The following RYR3 variants were observed in gnomAD, a reference collection of about 807,000 sequenced individuals.
RYR3 encodes brain ryanodine receptor-calcium release channel.
In RYR3, 207 loss-of-function variants were observed where a neutral mutation model predicts 584.3. The observed-to-expected ratio is 0.35, with a 90% CI of 0.32 to 0.40. The LOEUF (loss-of-function observed/expected upper bound fraction) is 0.40. RYR3 is among the 10% of genes least tolerant of loss of function. The pLI, the probability that RYR3 is intolerant of heterozygous loss-of-function variation, is 1.00. For missense variants in RYR3, 5,616 were observed against 6,089.2 expected, an observed-to-expected ratio of 0.92 and a Z score of 2.59; for synonymous variants, 2,416 against 2,248.5, an observed-to-expected ratio of 1.07 and a Z score of -2.11.
chr15:33,840,945 G>A, intron 90 of RYR3, 62 bp downstream of exon 90: 3 of 1,490,694 alleles, frequency 2.0e-6, no homozygotes, highest in Non-Finnish European at 2.8e-6. Flanking sequence ...AGGCCAGGCA[G>A]AGTGGCTCGC....
chr15:33,683,581 G>A (rs563976572), intron 38 of RYR3, among the ~76,000 whole-genome samples: 1 of 152,304 alleles, frequency 6.6e-6, no homozygotes, highest in South Asian at 2.1e-4. Flanking sequence ...CAGAAGACGG[G>A]TGATTTCTGC....
intron 1 of RYR3, among the ~76,000 whole-genome samples, chr15:33,361,958 G>T (rs1168072156): frequency 3.3e-5 from 5 of 152,136 alleles, no homozygotes; most frequent in African/African-American, 7.2e-5. Context: ...AGTGAGCAAG[G>T]TTCAGTGGGA....
chr15:33,374,360 GTGTA>G (rs1354225643), intron 1 of RYR3, among the ~76,000 whole-genome samples: 27 of 122,152 alleles, frequency 2.2e-4, no homozygotes, highest in Non-Finnish European at 3.2e-4. Context: ...TCCTGTACGA[GTGTA>G]TGTGTGTGTG....
rs989657968 is a variant in RYR3 at position 33,438,027 on chromosome 15, G to A, written c.52-35392G>A. ...ATGATAAATTGTATATATTTATTGTGTATTATTGTATTTCTCTCTCTCCTC... is the reference window on the plus strand; with the variant it reads ...ATGATAAATTGTATATATTTATTGTATATTATTGTATTTCTCTCTCTCCTC... On this transcript the variant is annotated intron_variant, in intron 1 of 103. Transcript: ENST00000634891. Among the ~76,000 whole-genome samples, 4 of 152,212 alleles carry A rather than the reference G, an allele frequency of 2.6e-5. No individual in the cohort carries two copies. The East Asian group carries it at 5.8e-4, about 22-fold the overall frequency.
Position 33,547,623 on chromosome 15 carries a change from A to G in RYR3, c.741-507A>G, listed in dbSNP as rs117170005. Among the ~76,000 whole-genome samples the G allele has an allele frequency of 7.7e-3, 1,167 of 152,346 alleles. 9 individuals carry two copies. Among genetic ancestry groups the G allele is most frequent in the Middle Eastern group, 0.014 (4 of 294 alleles). On this transcript the variant is annotated intron_variant, in intron 8 of 103. Coordinates refer to ENST00000634891, the MANE Select transcript of RYR3 (RefSeq NM_001036.6). Reference sequence around the variant, plus strand: ...ACGGGAAAGGAAGCAACAGTACAGTAATAAAATCATGAACAGTGTAACAAC... The same window carrying G: ...ACGGGAAAGGAAGCAACAGTACAGTGATAAAATCATGAACAGTGTAACAAC...
intron 81 of RYR3, among the ~76,000 whole-genome samples, chr15:33,823,846 T>A (rs1483855000): frequency 6.6e-6 from 1 of 152,216 alleles, no homozygotes; most frequent in Non-Finnish European, 1.5e-5. Flanking sequence ...ATTACCTAGT[T>A]CATTTGCCTC....
chr15:33,462,301 G>A (rs2048102176), intron 1 of RYR3, among the ~76,000 whole-genome samples: 1 of 152,156 alleles, frequency 6.6e-6, no homozygotes, highest in African/African-American at 2.4e-5. Flanking sequence ...TGCAGTGAGT[G>A]TGCACATAAA....
chr15:33,725,218 C>T (rs1027318657), intron 45 of RYR3, among the ~76,000 whole-genome samples: 3 of 150,976 alleles, frequency 2.0e-5, no homozygotes, highest in Non-Finnish European at 4.4e-5. Context: ...TACATCCCTT[C>T]TTAGGACCCC....
chr15:33,355,955 C>T (rs7178304), intron 1 of RYR3, among the ~76,000 whole-genome samples: 124 of 152,282 alleles, frequency 8.1e-4, no homozygotes, highest in African/African-American at 2.9e-3. Flanking sequence ...ATATAGAACC[C>T]TGTAGTAGAT....
chr15:33,313,789 A>T (rs765982497), intron 1 of RYR3, among the ~76,000 whole-genome samples: 4 of 152,246 alleles, frequency 2.6e-5, no homozygotes, highest in Non-Finnish European at 4.4e-5. Flanking sequence ...AAGGATTGCC[A>T]TCCCAGAGAG....
intron 1 of RYR3, among the ~76,000 whole-genome samples, chr15:33,439,813 C>CA (rs1018526060): frequency 3.5e-4 from 54 of 152,162 alleles, no homozygotes; most frequent in Middle Eastern, 3.4e-3. Context: ...CAAATATACA[C>CA]AAAAAAATCA....
At chr15:33,653,094 T>A (rs2062589302) in intron 32 of RYR3, among the ~76,000 whole-genome samples, 2 of 152,256 alleles carry the variant, frequency 1.3e-5, no homozygotes, top group South Asian at 4.1e-4. Context: ...TAGTTATTGG[T>A]TGATCCAATA....
Position 33,822,861 on chromosome 15 carries a change from A to C in RYR3, c.10996-135A>C, listed in dbSNP as rs2077181511. ...GGCGTTTATAAAATAAACATGATCT[A>C]CCCCATGGGACTCTGATTCCATAAG... On this transcript the variant is annotated intron_variant, in intron 80 of 103. Transcript: ENST00000634891. The C allele has an allele frequency of 5.0e-6, 3 of 594,996 alleles. No individual in the cohort carries two copies. The Admixed American group carries it at 1.0e-4, about 20-fold the overall frequency. 36.9% of individuals were successfully genotyped at this position (594,996 alleles called of 1,614,324 possible).
Position 33,865,245 on chromosome 15 carries a change from C to CCACAATTCTG in RYR3, c.*19_*20insCACAATTCTG. ...TGGATAAATCTGAATCAAAGAAGCG[C>CCACAATTCTG]GACAATTCTGGACAGTCAACTTCCC... On this transcript the variant is annotated 3_prime_UTR_variant, in exon 104 of 104. Transcript: ENST00000634891. The CCACAATTCTG allele has an allele frequency of 6.5e-7, 1 of 1,547,320 alleles. No homozygotes were observed. Among genetic ancestry groups the CCACAATTCTG allele is most frequent in the Admixed American group, 1.7e-5 (1 of 59,306 alleles).
intron 1 of RYR3, among the ~76,000 whole-genome samples, chr15:33,391,110 T>C (rs78557771): frequency 0.021 from 3,164 of 152,178 alleles, 113 homozygotes; most frequent in African/African-American, 0.073. Context: ...GTAAGAAATA[T>C]GTTAGTCCTG....
chr15:33,763,427 AAAC>A (rs2072685706), intron 60 of RYR3, among the ~76,000 whole-genome samples: 1 of 152,160 alleles, frequency 6.6e-6, no homozygotes, highest in Non-Finnish European at 1.5e-5. Context: ...TACAAAAAAA[AAAC>A]AACCCCATCA....
rs540488238 is a variant in RYR3, at chr15:33,724,030, C to T, written c.6801-35C>T. On this transcript the variant is annotated intron_variant, in intron 44 of 103. Transcript: ENST00000634891. The stretch of plus-strand genomic sequence containing the variant: ...CTCGCAGCATGGCAGTGCCTGCCAA[C>T]CTTCCTCACACCTCCCCTCTGTTGG... The T allele has an allele frequency of 9.2e-5, 118 of 1,282,758 alleles. 2 individuals carry two copies. In the South Asian group the frequency reaches 1.2e-3, roughly 13 times the overall value. 79.5% of individuals were successfully genotyped at this position (1,282,758 alleles called of 1,614,324 possible). A position where few individuals can be genotyped will look rare whatever the true frequency, so the allele number is the denominator to read the frequency against.
chr15:33,664,777 T>A (rs921594240), intron 36 of RYR3, among the ~76,000 whole-genome samples: 1 of 151,956 alleles, frequency 6.6e-6, no homozygotes, highest in African/African-American at 2.4e-5. Flanking sequence ...AAGCAGCCTG[T>A]CCATAAAGTG....
intron 12 of RYR3, among the ~76,000 whole-genome samples, chr15:33,575,445 T>A (rs2058249368): frequency 6.6e-6 from 1 of 152,122 alleles, no homozygotes; most frequent in South Asian, 2.1e-4. Context: ...AAAATCAAAT[T>A]AGAACTCAAG....
Sources: allele counts gnomAD v4.1 joint callset (sites outside exome capture counted in the v4.1 genomes callset), GRCh38; gene constraint gnomAD v4.1.1; transcripts MANE v1.5; gene names NCBI Gene and HGNC (gene_info 2026-07-23, HGNC 2026-07-21).